The following GNAI1 variants were observed in gnomAD, a reference collection of about 807,000 sequenced individuals.
GNAI1 encodes G protein subunit alpha i1.
In GNAI1, 11 loss-of-function variants were observed where a neutral mutation model predicts 38.9. The ratio of observed to expected loss-of-function variants is 0.28; its 90% CI spans 0.18 to 0.47. The LOEUF (loss-of-function observed/expected upper bound fraction) is 0.47, where lower values mean the gene tolerates loss of function less well. Among genes scored for constraint, GNAI1 ranks in the 20% least tolerant of loss-of-function variants. GNAI1 has a pLI of 0.99. For synonymous variants in GNAI1, 166 were observed against 145.1 expected (o/e 1.14, Z -1.04); for missense variants, 317 against 436.9 (o/e 0.73, Z 2.45).
At position 80,223,408 on chromosome 7, in the gene GNAI1, A is replaced by G. The variant is rs1378896791; in HGVS notation, c.*5915A>G. Among the ~76,000 whole-genome samples the G allele has an allele frequency of 6.6e-6, 1 of 152,224 alleles. No individual in the cohort carries two copies. The highest frequency in any genetic ancestry group is 1.9e-4 in the East Asian group (1 of 5,202). ...GTAAAGCTAGTCTTCAAAATAAACC[A>G]CTGTGAAGATTGGATATTACCTTGG... is the stretch of plus-strand genomic sequence containing the variant. On this transcript the variant is annotated 3_prime_UTR_variant, in exon 8 of 8. Transcript: ENST00000649796.
chr7:80,156,042 C>CAAAAAAAA (rs1182960135), intron 1 of GNAI1, among the ~76,000 whole-genome samples: 14 of 68,428 alleles, frequency 2.0e-4, no homozygotes, highest in East Asian at 5.5e-4. Flanking sequence ...GACTCTGTCT[C>CAAAAAAAA]AAAAAAAAAA....
chr7:80,165,913 T>A (rs1315042270), intron 1 of GNAI1, among the ~76,000 whole-genome samples: 1 of 152,164 alleles, frequency 6.6e-6, no homozygotes, highest in Non-Finnish European at 1.5e-5. Context: ...TTTTACTTCG[T>A]TGAGAACTAA....
rs1453172785 is a variant in GNAI1, at chr7:80,222,087, T to C, written c.*4594T>C. Among the ~76,000 whole-genome samples, 2 of 152,140 alleles carry C rather than the reference T, an allele frequency of 1.3e-5. No individual in the cohort carries two copies. ...GTTTGCTTTGGTGTCTGTTGTGATT[T>C]CTCTTATTTAGTTGGATTTTGTAGT... On this transcript the variant is annotated 3_prime_UTR_variant, in exon 8 of 8. Coordinates refer to ENST00000649796, the MANE Select transcript of GNAI1 (RefSeq NM_002069.6).
Position 80,188,560 on chromosome 7 carries a change from A to G in GNAI1, c.119-391A>G, listed in dbSNP as rs116097506. Among the ~76,000 whole-genome samples the G allele has an allele frequency of 3.4e-3, 511 of 152,334 alleles. 5 individuals are homozygous for G. The highest frequency in any genetic ancestry group is 0.012 in the African/African-American group (494 of 41,582). On this transcript the variant is annotated intron_variant, in intron 1 of 7. Transcript: ENST00000649796. ...TTATTTGTTTTAAAGTAAATTTTAA[A>G]TGCATACAACATGATATTACAAAAT...
intron 3 of GNAI1, among the ~76,000 whole-genome samples, chr7:80,195,409 A>C (rs905937062): frequency 2.1e-4 from 32 of 151,752 alleles, no homozygotes; most frequent in African/African-American, 7.0e-4. Context: ...TCCTCAAGAC[A>C]TTTTTACTTT....
intron 1 of GNAI1, among the ~76,000 whole-genome samples, chr7:80,166,529 G>A (rs1485466982): frequency 6.6e-6 from 1 of 152,068 alleles, no homozygotes; most frequent in African/African-American, 2.4e-5. Context: ...GAAGATAGTT[G>A]GAGGAACTGG....
chr7:80,204,471 T>C lies in GNAI1; in HGVS notation c.590+639T>C, dbSNP rs560753553. Among the ~76,000 whole-genome samples the C allele has an allele frequency of 2.0e-5, 3 of 152,300 alleles. No homozygotes were observed. The South Asian group carries it at 6.2e-4, about 32-fold the overall frequency. On this transcript the variant is annotated intron_variant, in intron 5 of 7. Transcript: ENST00000649796. ...AAGATGAACGAGGCTCAGGAAAGTTTAGTAAAATATCATATTCAAATTTAC... is the reference window on the plus strand; with the variant it reads ...AAGATGAACGAGGCTCAGGAAAGTTCAGTAAAATATCATATTCAAATTTAC...
At chr7:80,172,735 A>G (rs1788117689) in intron 1 of GNAI1, among the ~76,000 whole-genome samples, 1 of 152,178 alleles carries the variant, frequency 6.6e-6, no homozygotes. Context: ...TTACCTGTTC[A>G]GCGGCATTTT....
intron 1 of GNAI1, among the ~76,000 whole-genome samples, chr7:80,163,581 T>A (rs1302723632): frequency 3.3e-5 from 5 of 152,250 alleles, no homozygotes; most frequent in Non-Finnish European, 4.4e-5. Flanking sequence ...TTACATTAAA[T>A]TAAACATATG....
chr7:80,194,681 T>C (rs1788538066), intron 3 of GNAI1, among the ~76,000 whole-genome samples: 1 of 152,122 alleles, frequency 6.6e-6, no homozygotes, highest in African/African-American at 2.4e-5. Flanking sequence ...CAGGTGGCTA[T>C]CTAATTATCA....
chr7:80,213,842 G>T (rs1034360511), intron 7 of GNAI1, among the ~76,000 whole-genome samples: 2 of 148,090 alleles, frequency 1.4e-5, no homozygotes, highest in African/African-American at 5.0e-5. Context: ...CACTCTTCCT[G>T]TTTTTTTTTT....
intron 1 of GNAI1, among the ~76,000 whole-genome samples, chr7:80,184,410 G>T (rs938775002): frequency 1.3e-5 from 2 of 152,080 alleles, no homozygotes; most frequent in African/African-American, 4.8e-5. Context: ...GTTCACATGC[G>T]CAGTGGCCTG....
intron 1 of GNAI1, among the ~76,000 whole-genome samples, chr7:80,162,015 G>C (rs966841919): frequency 1.3e-5 from 2 of 152,124 alleles, no homozygotes; most frequent in African/African-American, 4.8e-5. Flanking sequence ...GAAATTGTAT[G>C]TTGAAGCCCT....
At chr7:80,180,863 T>C in intron 1 of GNAI1, among the ~76,000 whole-genome samples, 1 of 152,142 alleles carries the variant, frequency 6.6e-6, no homozygotes, top group Admixed American at 6.6e-5. Context: ...AACAGTACTG[T>C]CAGGCCTCTC....
chr7:80,172,484 G>C (rs1226738998), intron 1 of GNAI1, among the ~76,000 whole-genome samples: 1 of 152,144 alleles, frequency 6.6e-6, no homozygotes, highest in African/African-American at 2.4e-5. Flanking sequence ...CATACCTTGA[G>C]TATTTATTTT....
At chr7:80,177,180 A>G (rs1190456359) in intron 1 of GNAI1, among the ~76,000 whole-genome samples, 1 of 151,156 alleles carries the variant, frequency 6.6e-6, no homozygotes. Context: ...ACAGGCACCC[A>G]CCACCATGCC....
intron 1 of GNAI1, among the ~76,000 whole-genome samples, chr7:80,172,381 G>C (rs1283708381): frequency 6.6e-6 from 1 of 152,212 alleles, no homozygotes; most frequent in Non-Finnish European, 1.5e-5. Context: ...TTAATATGCA[G>C]AGGGAAGTTT....
chr7:80,214,148 A>G (rs1425094469), intron 7 of GNAI1, among the ~76,000 whole-genome samples: 1 of 152,144 alleles, frequency 6.6e-6, no homozygotes, highest in African/African-American at 2.4e-5. Flanking sequence ...AAATATAATC[A>G]TGTTACTTAT....
intron 7 of GNAI1, among the ~76,000 whole-genome samples, chr7:80,214,749 CCTGT>C (rs1349868176): frequency 2.6e-5 from 4 of 152,266 alleles, no homozygotes; most frequent in East Asian, 3.9e-4. Flanking sequence ...TGATTTATCT[CCTGT>C]CTGTCTGCTC....
Sources: allele counts gnomAD v4.1 joint callset (sites outside exome capture counted in the v4.1 genomes callset), GRCh38; gene constraint gnomAD v4.1.1; transcripts MANE v1.5; gene names NCBI Gene and HGNC (gene_info 2026-07-23, HGNC 2026-07-21).